MYO9A: variants seen among roughly 807,000 people sequenced by gnomAD.
MYO9A encodes unconventional myosin-IXa.
Under a neutral mutation model 293.3 loss-of-function variants are expected in MYO9A, and 103 were observed. That is an observed-to-expected ratio of 0.35 (90% confidence interval 0.30 to 0.41). The LOEUF is 0.41. MYO9A is among the 10% of genes least tolerant of loss of function. MYO9A has a pLI of 1.00. For synonymous variants in MYO9A, 1,001 were observed against 1,035.7 expected, an observed-to-expected ratio of 0.97 and a Z score of 0.64; for missense variants, 2,685 against 3,033.0, an observed-to-expected ratio of 0.89 and a Z score of 2.69.
At chr15:72,001,883 C>G (rs1437409531) in intron 8 of MYO9A, among the ~76,000 whole-genome samples, 1 of 151,942 alleles carries the variant, frequency 6.6e-6, no homozygotes, top group Non-Finnish European at 1.5e-5. Context: ...ACAAAAATAT[C>G]AGATTACACA....
At chr15:71,959,285 T>G (rs1254668961) in intron 14 of MYO9A, 1 of 152,260 alleles carries the variant, frequency 6.6e-6, no homozygotes, top group African/African-American at 2.4e-5. Flanking sequence ...CTCAAACATT[T>G]AAAAGCTAAA....
intron 1 of MYO9A, among the ~76,000 whole-genome samples, chr15:72,050,139 C>T (rs565919027): frequency 6.6e-6 from 1 of 151,348 alleles, no homozygotes; most frequent in Non-Finnish European, 1.5e-5. Flanking sequence ...TCAATTACTG[C>T]TTTGTGGGTT....
At chr15:71,836,082 A>C (rs1478250574) in intron 39 of MYO9A, among the ~76,000 whole-genome samples, 1 of 152,114 alleles carries the variant, frequency 6.6e-6, no homozygotes, top group Admixed American at 6.5e-5. Flanking sequence ...CAAAAAAGAA[A>C]GGAAAAAAGC....
chr15:71,933,731 TA>T, intron 17 of MYO9A, 22 bp from the exon 18 acceptor site: 3 of 1,561,292 alleles, frequency 1.9e-6, no homozygotes, highest in Admixed American at 1.9e-5. Context: ...AATCATTCAT[TA>T]AAAAAAGCTA....
intron 41 of MYO9A, 81 bp downstream of exon 41, chr15:71,827,803 A>T (rs756181591): frequency 4.8e-6 from 7 of 1,449,298 alleles, no homozygotes; most frequent in Non-Finnish European, 6.5e-6. Flanking sequence ...AAATTCTTAA[A>T]AGACTTTGTC....
At chr15:72,104,403 T>C (rs2080497271) in intron 1 of MYO9A, among the ~76,000 whole-genome samples, 1 of 152,204 alleles carries the variant, frequency 6.6e-6, no homozygotes, top group South Asian at 2.1e-4. Context: ...AGTATATGAA[T>C]GAAAAGGAAA....
At chr15:71,985,287 T>C (rs1214763404) in intron 11 of MYO9A, among the ~76,000 whole-genome samples, 1 of 152,144 alleles carries the variant, frequency 6.6e-6, no homozygotes, top group Non-Finnish European at 1.5e-5. Context: ...TGTCTGTCTC[T>C]CTCTCTCTCT....
intron 1 of MYO9A, among the ~76,000 whole-genome samples, chr15:72,104,723 T>C (rs1189047591): frequency 6.6e-6 from 1 of 152,250 alleles, no homozygotes; most frequent in Non-Finnish European, 1.5e-5. Context: ...CCTTTAGCAT[T>C]TTCCTGATCT....
chr15:72,080,655 T>TGGGACAAAAATAGACA (rs2079517575), intron 1 of MYO9A, among the ~76,000 whole-genome samples: 2 of 152,124 alleles, frequency 1.3e-5, no homozygotes, highest in Non-Finnish European at 2.9e-5. Flanking sequence ...TGCAGGTTTC[T>TGGGACAAAAATAGACA]TATAAAGGTT....
intron 39 of MYO9A, among the ~76,000 whole-genome samples, chr15:71,847,021 T>TAGTA (rs1214443476): frequency 6.6e-6 from 1 of 152,166 alleles, no homozygotes; most frequent in Non-Finnish European, 1.5e-5. Flanking sequence ...CTGAAAGTAA[T>TAGTA]AGTAAGTATT....
intron 1 of MYO9A, among the ~76,000 whole-genome samples, chr15:72,081,794 G>C (rs2079553869): frequency 6.6e-6 from 1 of 152,296 alleles, no homozygotes; most frequent in Non-Finnish European, 1.5e-5. Context: ...TTATTGAGGA[G>C]GGAGTCCTTT....
At chr15:72,083,277 T>C (rs1322491844) in intron 1 of MYO9A, among the ~76,000 whole-genome samples, 1 of 152,156 alleles carries the variant, frequency 6.6e-6, no homozygotes, top group African/African-American at 2.4e-5. Flanking sequence ...AATTTATACA[T>C]TTCTTCTAGA....
At chr15:72,041,893 GTAATAA>G (rs1319931859) in intron 2 of MYO9A, among the ~76,000 whole-genome samples, 1 of 148,902 alleles carries the variant, frequency 6.7e-6, no homozygotes, top group East Asian at 2.0e-4. Context: ...AAAAAAAACA[GTAATAA>G]TAATAATCAC....
intron 1 of MYO9A, among the ~76,000 whole-genome samples, chr15:72,063,407 T>C (rs967203259): frequency 6.6e-6 from 1 of 152,110 alleles, no homozygotes; most frequent in Non-Finnish European, 1.5e-5. Context: ...TAGGATTACA[T>C]CAAGTCAAAA....
chr15:71,980,483 T>C (rs2076245484), intron 11 of MYO9A, among the ~76,000 whole-genome samples: 1 of 152,184 alleles, frequency 6.6e-6, no homozygotes, highest in South Asian at 2.1e-4. Context: ...AGAAAAAACA[T>C]TTTCCTATGT....
chr15:71,832,840 C>T (rs1567178467), intron 39 of MYO9A, among the ~76,000 whole-genome samples: 1 of 151,920 alleles, frequency 6.6e-6, no homozygotes, highest in Non-Finnish European at 1.5e-5. Flanking sequence ...TTAAGATACA[C>T]AACAACAAGA....
chr15:72,032,976 G>A (rs1012102937), intron 2 of MYO9A, among the ~76,000 whole-genome samples: 1 of 151,916 alleles, frequency 6.6e-6, no homozygotes, highest in Non-Finnish European at 1.5e-5. Context: ...TCAGCCTCCC[G>A]AGTAGCTGGG....
At chr15:71,829,642 C>A (rs547991228) in intron 40 of MYO9A, among the ~76,000 whole-genome samples, 2 of 152,080 alleles carry the variant, frequency 1.3e-5, no homozygotes, top group South Asian at 4.2e-4. Context: ...TGGCTAATAA[C>A]CTTCCTTCAT....
At chr15:72,008,482 G>A (rs1334403141) in intron 7 of MYO9A, among the ~76,000 whole-genome samples, 1 of 139,274 alleles carries the variant, frequency 7.2e-6, no homozygotes, top group Non-Finnish European at 1.6e-5. Context: ...TGTGAATGGG[G>A]TAAATGGGTG....
Sources: gnomAD v4.1 joint callset for allele counts (sites outside exome capture counted in the v4.1 genomes callset) on GRCh38, gnomAD v4.1.1 for gene constraint, MANE v1.5 for transcripts, NCBI Gene and HGNC (gene_info 2026-07-23, HGNC 2026-07-21) for gene names.